The following UNC45B variants were observed in gnomAD, a reference collection of about 807,000 sequenced individuals.
UNC45B encodes the protein protein unc-45 homolog B.
UNC45B carries 78 observed loss-of-function variants against 98.7 expected under a neutral mutation model. That is an observed-to-expected ratio of 0.79 (90% CI 0.66 to 0.95). The LOEUF is 0.95. UNC45B is among the 40% of genes least tolerant of loss of function. The probability of loss-of-function intolerance (pLI) is 0.00; values close to 1 mark genes in which losing one functional copy is unlikely to be tolerated. For synonymous variants in UNC45B, 462 were observed against 480.4 expected (o/e 0.96, Z 0.50); for missense variants, 1,225 against 1,184.9 (o/e 1.03, Z -0.50).
At chr17:35,175,858 C>A (rs2092228941) in intron 14 of UNC45B, 110 bp from the exon 15 acceptor site, 2 of 987,036 alleles carry the variant, frequency 2.0e-6, no homozygotes, top group Non-Finnish European at 3.1e-6. Context: ...TCCATAGTCT[C>A]CCTTTTCATC....
chr17:35,166,580 A>G (rs915259793), intron 9 of UNC45B, among the ~76,000 whole-genome samples: 1 of 152,178 alleles, frequency 6.6e-6, no homozygotes, highest in Non-Finnish European at 1.5e-5. Flanking sequence ...GCCTGCCCCT[A>G]GCAAGAGTGG....
Position 35,169,861 on chromosome 17 carries a change from G to A in UNC45B, c.1477G>A (p.Gly493Ser). Reference sequence around the variant, plus strand: ...GGGACTCTGTAAGCTCGGCTCTGCAGGTGGCACAGACTACGGTCTCAGGCA... The same window carrying A: ...GGGACTCTGTAAGCTCGGCTCTGCAAGTGGCACAGACTACGGTCTCAGGCA... ...LVGLCKLGSA[G>S]GTDYGLRQFA... The change falls in exon 11 of 20, where the codon GGT (glycine) becomes AGT (serine). Residue 493 changes from glycine to serine, a missense_variant. By Grantham distance (56) the Gly-to-Ser change is moderately conservative. Transcript: ENST00000394570. The A allele has an allele frequency of 6.2e-7, 1 of 1,614,190 alleles. No individual in the cohort carries two copies. Among genetic ancestry groups the A allele is most frequent in the Non-Finnish European group, 8.5e-7 (1 of 1,180,034 alleles).
chr17:35,160,564 C>T (rs1743024293), intron 8 of UNC45B, among the ~76,000 whole-genome samples: 1 of 152,108 alleles, frequency 6.6e-6, no homozygotes, highest in Admixed American at 6.6e-5. Context: ...CTCAGCCTCC[C>T]GAGTAGCTGG....
chr17:35,187,814 T>TA lies in UNC45B; in HGVS notation c.*1257dup, dbSNP rs1483341262. 1.3e-5 allele frequency: 2 copies of TA among 152,242 alleles called. No homozygotes were observed. Among genetic ancestry groups the TA allele is most frequent in the Non-Finnish European group, 2.9e-5 (2 of 68,034 alleles). 9.4% of individuals were successfully genotyped at this position (152,242 alleles called of 1,614,324 possible). ...GCTAATATTGCCTTTTTAGCATGGT[T>TA]AAGATAGCTAAGATCTAGTACTGTC... On this transcript the variant is annotated 3_prime_UTR_variant, in exon 20 of 20. Coordinates refer to ENST00000394570, the MANE Select transcript of UNC45B (RefSeq NM_001267052.2).
chr17:35,186,394 AGCCGATGCTGAGCTG>A lies in UNC45B; in HGVS notation c.2629_2643del (p.Asp877_Ala881del). The A allele has an allele frequency of 6.2e-7, 1 of 1,614,222 alleles. No individual in the cohort carries two copies. On this transcript the variant is annotated inframe_deletion, in exon 20 of 20. Coordinates refer to ENST00000394570, the MANE Select transcript of UNC45B (RefSeq NM_001267052.2). Reference sequence around the variant, plus strand: ...TGGTCATTGCCTACAACCTACTGGCAGCCGATGCTGAGCTGGCCAAGAAGCTGGTGGAGAGTGAGC... The same window carrying A: ...TGGTCATTGCCTACAACCTACTGGCAGCCAAGAAGCTGGTGGAGAGTGAGC...
chr17:35,179,796 A>C lies in UNC45B; in HGVS notation c.2256-763A>C, dbSNP rs114230761. Among the ~76,000 whole-genome samples the C allele has an allele frequency of 8.1e-3, 1,233 of 152,254 alleles. 15 individuals carry two copies. Among genetic ancestry groups the C allele is most frequent in the African/African-American group, 0.028 (1,165 of 41,518 alleles). On this transcript the variant is annotated intron_variant, in intron 17 of 19. Coordinates refer to ENST00000394570, the MANE Select transcript of UNC45B (RefSeq NM_001267052.2). ...GGATAACATTAGGAGAAATACCCTAATGTAAATGACGAGTTGATGGGCGCA... is the reference window on the plus strand; with the variant it reads ...GGATAACATTAGGAGAAATACCCTACTGTAAATGACGAGTTGATGGGCGCA...
chr17:35,153,669 A>G (rs566046977), intron 5 of UNC45B, among the ~76,000 whole-genome samples: 1 of 152,138 alleles, frequency 6.6e-6, no homozygotes, highest in African/African-American at 2.4e-5. Flanking sequence ...AAGTTGTTAT[A>G]GATAAAATAA....
At chr17:35,149,258 C>CA (rs1051073429) in intron 3 of UNC45B, among the ~76,000 whole-genome samples, 4 of 152,166 alleles carry the variant, frequency 2.6e-5, no homozygotes, top group Non-Finnish European at 5.9e-5. Flanking sequence ...AAAAGGCTGT[C>CA]ACAAGGAAGA....
In UNC45B at chr17:35,150,031, C is replaced by G; in HGVS notation, c.206-17C>G. ...TCTGGCTCCCTAAGGTCCTCATCCC[C>G]CGTCTCCCCTCGATAGCCATCGACA... On this transcript the variant is annotated splice_polypyrimidine_tract_variant and intron_variant, in intron 3 of 19. Coordinates refer to ENST00000394570, the MANE Select transcript of UNC45B (RefSeq NM_001267052.2). 6.3e-7 allele frequency: 1 copy of G among 1,577,826 alleles called. No homozygotes were observed. Among genetic ancestry groups the G allele is most frequent in the Non-Finnish European group, 8.6e-7 (1 of 1,160,982 alleles).
chr17:35,153,019 A>T (rs878991602), intron 5 of UNC45B, 37 bp downstream of exon 5: 2 of 1,472,418 alleles, frequency 1.4e-6, no homozygotes, highest in Non-Finnish European at 1.8e-6. Flanking sequence ...CAGCAGAAGG[A>T]CCCGCCAGTC....
At chr17:35,160,195 A>G (rs1188344921) in intron 8 of UNC45B, among the ~76,000 whole-genome samples, 1 of 152,202 alleles carries the variant, frequency 6.6e-6, no homozygotes, top group African/African-American at 2.4e-5. Context: ...CAAATAGTCA[A>G]TTACATATTT....
rs5820105 is a variant in UNC45B at position 35,188,467 on chromosome 17, CT to C, written c.*1927del. 0.19 allele frequency: 24,281 copies of C among 129,562 alleles called. 1,920 individuals are homozygous for C. The highest frequency in any genetic ancestry group is 0.23 in the South Asian group (888 of 3,820). 8.0% of individuals were successfully genotyped at this position (129,562 alleles called of 1,614,324 possible). A position where few individuals can be genotyped will look rare whatever the true frequency, so the allele number is the denominator to read the frequency against. On this transcript the variant is annotated 3_prime_UTR_variant, in exon 20 of 20. Transcript: ENST00000394570. The stretch of plus-strand genomic sequence containing the variant: ...GTTCATCTTGTTTGGATTGGAGAGA[CT>C]TTTTTTTTTTTTTTTTTTGAGACAG...
Position 35,173,778 on chromosome 17 carries a change from G to A in UNC45B, c.1831-464G>A, listed in dbSNP as rs1356135518. Among the ~76,000 whole-genome samples the A allele has an allele frequency of 6.6e-5, 10 of 150,518 alleles. No homozygotes were observed. The South Asian group carries it at 2.1e-3, about 32-fold the overall frequency. ...TGCAAAATCCCTTTTGCCATGTAAG[G>A]TCCCACGTTCACAGGTTCCAGAGAT... On this transcript the variant is annotated intron_variant, in intron 13 of 19. Coordinates refer to ENST00000394570, the MANE Select transcript of UNC45B (RefSeq NM_001267052.2).
chr17:35,177,518 T>C lies in UNC45B; in HGVS notation c.2163T>C (p.Leu721=), dbSNP rs2092243306. The C allele has an allele frequency of 6.4e-7, 1 of 1,565,442 alleles. No individual in the cohort carries two copies. Among genetic ancestry groups the C allele is most frequent in the South Asian group, 1.2e-5 (1 of 84,918 alleles). ...GERVYEVVRP[L]VRLLDTQRDG... ...AGGTGTATGAGGTGGTGCGGCCCCT[T>C]GTAAGACTCTTGGACACACAGAGGG... Residue 721 remains leucine (L), a synonymous_variant, in exon 17 of 20, where the codon CTT becomes CTC. Transcript: ENST00000394570.
At position 35,169,851 on chromosome 17, in the gene UNC45B, C is replaced by T. The variant is rs6505446; in HGVS notation, c.1467C>T (p.Leu489=). ...KIRTLVGLCK[L]GSAGGTDYGL... is the part of the protein sequence containing the mutation. The stretch of plus-strand genomic sequence containing the variant: ...CTCCTCCTCAGGGACTCTGTAAGCT[C>T]GGCTCTGCAGGTGGCACAGACTACG... The change falls in exon 11 of 20, where the codon CTC becomes CTT. Residue 489 remains leucine (L), a synonymous_variant. Transcript: ENST00000394570. The T allele has an allele frequency of 1.2e-3, 1,886 of 1,614,116 alleles. 23 individuals carry two copies. The African/African-American group carries it at 0.023, about 20-fold the overall frequency.
intron 7 of UNC45B, among the ~76,000 whole-genome samples, chr17:35,156,807 T>A (rs1056079878): frequency 5.3e-5 from 8 of 152,224 alleles, no homozygotes; most frequent in Non-Finnish European, 8.8e-5. Context: ...TCCTCTCTTT[T>A]TTTTTAAACC....
intron 4 of UNC45B, among the ~76,000 whole-genome samples, chr17:35,152,206 AC>A (rs1460192706): frequency 6.6e-6 from 1 of 152,204 alleles, no homozygotes; most frequent in Admixed American, 6.5e-5. Flanking sequence ...AGATCGTGCC[AC>A]TGCGCTCCAG....
At chr17:35,178,005 T>C (rs980186917) in intron 17 of UNC45B, among the ~76,000 whole-genome samples, 2 of 152,152 alleles carry the variant, frequency 1.3e-5, no homozygotes, top group Non-Finnish European at 2.9e-5. Flanking sequence ...GCTGAAGCTA[T>C]TTTCCAGCCT....
Position 35,168,328 on chromosome 17 carries a change from CA to C in UNC45B, c.1424del (p.Asn475MetfsTer49). On this transcript the variant is annotated frameshift_variant, in exon 10 of 20. Transcript: ENST00000394570. LOFTEE classifies it high-confidence loss of function. ...TGCTCAAACAGATCTACAAGACCACCAAAAATGAGAAGATCAAGATCCGCAC... is the reference window on the plus strand; with the variant it reads ...TGCTCAAACAGATCTACAAGACCACCAAAATGAGAAGATCAAGATCCGCAC... Reference protein sequence around the residue: ...SLLKQIYKTTKNEKIKIRTLV... With the variant: ...SLLKQIYKTTXNEKIKIRTLV... 1 of 1,378,502 alleles carries C rather than the reference CA, an allele frequency of 7.3e-7. No homozygotes were observed. Among genetic ancestry groups the C allele is most frequent in the Non-Finnish European group, 9.5e-7 (1 of 1,055,156 alleles). 85.4% of individuals were successfully genotyped at this position (1,378,502 alleles called of 1,614,324 possible). A position where few individuals can be genotyped will look rare whatever the true frequency, so the allele number is the denominator to read the frequency against.
Sources: gnomAD v4.1 joint callset for allele counts (sites outside exome capture counted in the v4.1 genomes callset) on GRCh38, gnomAD v4.1.1 for gene constraint, MANE v1.5 for transcripts, NCBI Gene and HGNC (gene_info 2026-07-23, HGNC 2026-07-21) for gene names.